CPE: variants seen among roughly 807,000 people sequenced by gnomAD.
The protein encoded by CPE is carbocypeptidase E.
A neutral mutation model predicts 53.5 loss-of-function variants in CPE; 17 were observed. The ratio of observed to expected loss-of-function variants is 0.32; its 90% CI spans 0.22 to 0.48. CPE has a LOEUF of 0.48. CPE is among the 20% of genes least tolerant of loss of function. CPE has a pLI of 0.99. For synonymous variants in CPE, 226 were observed against 228.8 expected (o/e 0.99, Z 0.11); for missense variants, 524 against 614.7 (o/e 0.85, Z 1.56).
intron 1 of CPE, among the ~76,000 whole-genome samples, chr4:165,427,585 A>T (rs1034809660): frequency 6.6e-6 from 1 of 152,174 alleles, no homozygotes; most frequent in Admixed American, 6.5e-5. Flanking sequence ...TTGGGTAAGA[A>T]CCTACACATA....
intron 1 of CPE, chr4:165,406,415 C>T: frequency 2.8e-6 from 1 of 356,680 alleles, no homozygotes; most frequent in South Asian, 2.7e-5. Flanking sequence ...TTTGTATTAG[C>T]TTTTTAAATG....
At chr4:165,480,161 A>G (rs1732378456) in intron 3 of CPE, among the ~76,000 whole-genome samples, 1 of 152,182 alleles carries the variant, frequency 6.6e-6, no homozygotes, top group Non-Finnish European at 1.5e-5. Flanking sequence ...AATCAAAGTG[A>G]CACACTTTAA....
chr4:165,478,552 C>A (rs1312983689), intron 3 of CPE, among the ~76,000 whole-genome samples: 2 of 152,042 alleles, frequency 1.3e-5, no homozygotes, highest in Non-Finnish European at 2.9e-5. Flanking sequence ...TTTTTTATTG[C>A]AAAATTCATA....
chr4:165,462,034 CATT>C (rs1732017106), intron 1 of CPE, among the ~76,000 whole-genome samples: 1 of 152,138 alleles, frequency 6.6e-6, no homozygotes, highest in Non-Finnish European at 1.5e-5. Flanking sequence ...TTGTTATTGT[CATT>C]AGTGTTACTA....
At chr4:165,443,211 G>A (rs534644340) in intron 1 of CPE, among the ~76,000 whole-genome samples, 1 of 152,222 alleles carries the variant, frequency 6.6e-6, no homozygotes, top group Non-Finnish European at 1.5e-5. Flanking sequence ...CACAGCATAG[G>A]GCAAATGGCA....
At chr4:165,418,338 C>G (rs1250426533) in intron 1 of CPE, 2 of 147,574 alleles carry the variant, frequency 1.4e-5, no homozygotes, top group Non-Finnish European at 3.0e-5. Flanking sequence ...ATAAACAAGC[C>G]AAGAAAAGTC....
chr4:165,391,129 A>C (rs892354052), intron 1 of CPE, among the ~76,000 whole-genome samples: 1 of 152,154 alleles, frequency 6.6e-6, no homozygotes, highest in Non-Finnish European at 1.5e-5. Context: ...ATTTTTCCTG[A>C]ATAGTTTTAA....
intron 1 of CPE, among the ~76,000 whole-genome samples, chr4:165,408,820 G>A (rs888475750): frequency 2.0e-5 from 3 of 152,194 alleles, no homozygotes; most frequent in Non-Finnish European, 2.9e-5. Flanking sequence ...CCTGATGCTC[G>A]AAGAGCCTTC....
intron 3 of CPE, among the ~76,000 whole-genome samples, chr4:165,476,560 C>A (rs892058176): frequency 6.6e-6 from 1 of 152,106 alleles, no homozygotes; most frequent in African/African-American, 2.4e-5. Context: ...AGCTGCTGAT[C>A]ACCAGTTTCA....
chr4:165,495,460 A>C, intron 7 of CPE, 99 bp from the exon 8 acceptor site: 1 of 677,530 alleles, frequency 1.5e-6, no homozygotes, highest in South Asian at 2.7e-5. Context: ...AAAAAGGTGA[A>C]CTGAGCTAGA....
chr4:165,384,047 G>C (rs776832492), intron 1 of CPE, among the ~76,000 whole-genome samples: 1 of 152,192 alleles, frequency 6.6e-6, no homozygotes, highest in Non-Finnish European at 1.5e-5. Context: ...TGATTTCAGA[G>C]GTGGCAGACG....
intron 3 of CPE, among the ~76,000 whole-genome samples, chr4:165,472,899 C>T (rs956486180): frequency 6.6e-6 from 1 of 152,198 alleles, no homozygotes; most frequent in Admixed American, 6.5e-5. Flanking sequence ...GCAACTTTTA[C>T]TTTTGGTGAA....
At chr4:165,434,513 T>A (rs1731463126) in intron 1 of CPE, among the ~76,000 whole-genome samples, 1 of 152,180 alleles carries the variant, frequency 6.6e-6, no homozygotes, top group East Asian at 1.9e-4. Flanking sequence ...AAAGGTCATT[T>A]CATGTGCCTT....
chr4:165,470,049 C>T (rs749482683), intron 3 of CPE, among the ~76,000 whole-genome samples: 1 of 152,184 alleles, frequency 6.6e-6, no homozygotes, highest in Non-Finnish European at 1.5e-5. Context: ...CCATACAGGT[C>T]TTCAGCAACC....
At chr4:165,416,521 G>A (rs7671073) in intron 1 of CPE, among the ~76,000 whole-genome samples, 38,434 of 151,724 alleles carry the variant, frequency 0.25, 5,455 homozygotes, top group African/African-American at 0.38. Context: ...GAGAATATGC[G>A]GTAGACAATT....
In CPE at chr4:165,379,204, C is replaced by A; in HGVS notation, c.-18C>A. 8.2e-7 allele frequency: 1 copy of A among 1,223,492 alleles called. No individual in the cohort carries two copies. Among genetic ancestry groups the A allele is most frequent in the East Asian group, 3.3e-5 (1 of 30,382 alleles). The allele number at this position is 1,223,492 out of a possible 1,614,324, so 75.8% of individuals were successfully genotyped here. A position where few individuals can be genotyped will look rare whatever the true frequency, so the allele number is the denominator to read the frequency against. On this transcript the variant is annotated 5_prime_UTR_variant, in exon 1 of 9. Transcript: ENST00000402744. The surrounding 1 kb of genome is among the most constrained non-coding windows in gnomAD (Gnocchi z 6.0). Reference sequence around the variant, plus strand: ...CGCCCGCGTAGGAAGGCACGGCCGGCGGCGGCGGAGCGCAGCGATGGCCGG... The same window carrying A: ...CGCCCGCGTAGGAAGGCACGGCCGGAGGCGGCGGAGCGCAGCGATGGCCGG...
chr4:165,487,729 C>T, intron 6 of CPE, 152 bp downstream of exon 6: 1 of 872,458 alleles, frequency 1.1e-6, no homozygotes, highest in Non-Finnish European at 1.7e-6. Context: ...TTCAGTTAGG[C>T]TTTTATTTGT....
intron 1 of CPE, among the ~76,000 whole-genome samples, chr4:165,412,794 A>G (rs13103782): frequency 0.29 from 43,677 of 152,170 alleles, 6,416 homozygotes; most frequent in Middle Eastern, 0.4. Context: ...GCTGGGAAGA[A>G]GTTCTAGAGT....
intron 1 of CPE, among the ~76,000 whole-genome samples, chr4:165,462,786 C>A (rs1344653062): frequency 6.6e-6 from 1 of 152,106 alleles, no homozygotes; most frequent in African/African-American, 2.4e-5. Context: ...TAGCCCCGAT[C>A]CTGCTCCCAC....
Sources: gnomAD v4.1 joint callset for allele counts (sites outside exome capture counted in the v4.1 genomes callset) on GRCh38, gnomAD v4.1.1 for gene constraint, Gnocchi (gnomAD v3.1) non-coding constraint, MANE v1.5 for transcripts, NCBI Gene and HGNC (gene_info 2026-07-23, HGNC 2026-07-21) for gene names.